Variants in CD2AP observed in about 807,000 individuals in gnomAD.
CD2AP encodes the protein CD2-associated protein.
Under a neutral mutation model 85.1 loss-of-function variants are expected in CD2AP, and 46 were observed. The ratio of observed to expected loss-of-function variants is 0.54; its 90% CI spans 0.43 to 0.69. CD2AP has a LOEUF of 0.69. CD2AP is among the 30% of genes least tolerant of loss of function. CD2AP has a pLI of 0.00. For synonymous variants in CD2AP, 255 were observed against 252.9 expected (o/e 1.01, Z -0.08); for missense variants, 769 against 729.5 (o/e 1.05, Z -0.62).
At chr6:47,589,560 A>ACG (rs1174224461) in intron 11 of CD2AP, among the ~76,000 whole-genome samples, 2 of 124,108 alleles carry the variant, frequency 1.6e-5, no homozygotes, top group East Asian at 4.1e-4. Flanking sequence ...ATACACACAC[A>ACG]CACACATATA....
chr6:47,523,915 G>A (rs1219355259), intron 2 of CD2AP, among the ~76,000 whole-genome samples: 1 of 152,074 alleles, frequency 6.6e-6, no homozygotes, highest in Non-Finnish European at 1.5e-5. Context: ...TATCCATTGT[G>A]AAAAGTACCT....
At chr6:47,553,631 G>A (rs1020666500) in intron 4 of CD2AP, among the ~76,000 whole-genome samples, 21 of 150,790 alleles carry the variant, frequency 1.4e-4, no homozygotes, top group Non-Finnish European at 1.5e-4. Flanking sequence ...CTTCCAAAGC[G>A]CTGGGATTAT....
intron 15 of CD2AP, among the ~76,000 whole-genome samples, 183 bp from the exon 16 acceptor site, chr6:47,608,940 G>T (rs753656651): frequency 3.3e-5 from 5 of 152,020 alleles, no homozygotes; most frequent in Non-Finnish European, 7.4e-5. Context: ...AACCACTAAT[G>T]ATTACAAATG....
chr6:47,521,474 C>T (rs951282173), intron 2 of CD2AP, among the ~76,000 whole-genome samples: 6 of 151,948 alleles, frequency 3.9e-5, no homozygotes, highest in African/African-American at 1.4e-4. Context: ...AGTGCTTGAA[C>T]CCGGGAGGTG....
intron 5 of CD2AP, among the ~76,000 whole-genome samples, chr6:47,568,438 G>C (rs551066856): frequency 1.3e-5 from 2 of 152,142 alleles, no homozygotes; most frequent in South Asian, 4.2e-4. Context: ...AGTACTTTAG[G>C]TGGTATAAGA....
chr6:47,573,290 G>A (rs188179118), intron 5 of CD2AP, among the ~76,000 whole-genome samples: 2 of 152,084 alleles, frequency 1.3e-5, no homozygotes, highest in Admixed American at 1.3e-4. Flanking sequence ...TAATCTCTGA[G>A]CTAAAATAAC....
intron 1 of CD2AP, among the ~76,000 whole-genome samples, chr6:47,493,782 T>C (rs1765789895): frequency 6.6e-6 from 1 of 152,154 alleles, no homozygotes; most frequent in Non-Finnish European, 1.5e-5. Flanking sequence ...CATTTCAGTT[T>C]GGAAAATTTC....
At chr6:47,500,021 C>A (rs997989267) in intron 1 of CD2AP, among the ~76,000 whole-genome samples, 6 of 152,164 alleles carry the variant, frequency 3.9e-5, no homozygotes, top group Admixed American at 3.9e-4. Flanking sequence ...GAGCCACTGC[C>A]CCTGCAGGAG....
intron 3 of CD2AP, among the ~76,000 whole-genome samples, chr6:47,539,256 A>G (rs931080752): frequency 6.6e-6 from 1 of 152,238 alleles, no homozygotes; most frequent in African/African-American, 2.4e-5. Flanking sequence ...CTGTAAACTC[A>G]GAACTGTATG....
chr6:47,506,446 C>T (rs2113986023), intron 2 of CD2AP, among the ~76,000 whole-genome samples: 1 of 32,688 alleles, frequency 3.1e-5, no homozygotes, highest in East Asian at 4.1e-4. Context: ...GAGGCCAAGG[C>T]AGGCGGCTGG....
chr6:47,493,058 T>C (rs768636117), intron 1 of CD2AP, among the ~76,000 whole-genome samples: 1 of 152,226 alleles, frequency 6.6e-6, no homozygotes, highest in Non-Finnish European at 1.5e-5. Context: ...CATCTATTCA[T>C]ATGCTATAAT....
intron 2 of CD2AP, among the ~76,000 whole-genome samples, chr6:47,531,253 C>T (rs1350385607): frequency 6.6e-6 from 1 of 152,096 alleles, no homozygotes. Context: ...GATGCTCCTA[C>T]ACCAAAAGAA....
At chr6:47,569,009 G>T (rs1464534853) in intron 5 of CD2AP, among the ~76,000 whole-genome samples, 1 of 152,122 alleles carries the variant, frequency 6.6e-6, no homozygotes, top group East Asian at 1.9e-4. Flanking sequence ...TACTTGGGAG[G>T]TTAAGTAAAA....
intron 13 of CD2AP, among the ~76,000 whole-genome samples, chr6:47,601,441 T>C (rs556953576): frequency 6.6e-6 from 1 of 152,152 alleles, no homozygotes; most frequent in South Asian, 2.1e-4. Context: ...ACTTAGGCCC[T>C]GTAAAGTTCA....
chr6:47,592,400 CAA>C (rs1395292274), intron 11 of CD2AP, among the ~76,000 whole-genome samples: 1 of 152,016 alleles, frequency 6.6e-6, no homozygotes, highest in African/African-American at 2.4e-5. Flanking sequence ...TAGATGAAAA[CAA>C]GAGTAAATCT....
chr6:47,513,606 C>T (rs1346233283), intron 2 of CD2AP, among the ~76,000 whole-genome samples: 1 of 152,002 alleles, frequency 6.6e-6, no homozygotes, highest in Non-Finnish European at 1.5e-5. Context: ...GGAGAGACAC[C>T]TTTACTACTA....
intron 17 of CD2AP, among the ~76,000 whole-genome samples, chr6:47,622,756 G>A (rs111705912): frequency 1.9e-3 from 290 of 152,294 alleles, no homozygotes; most frequent in African/African-American, 6.8e-3. Context: ...TCTCGGGATT[G>A]CTGGTTTGTT....
chr6:47,513,740 T>C (rs1766377716), intron 2 of CD2AP, among the ~76,000 whole-genome samples: 1 of 152,112 alleles, frequency 6.6e-6, no homozygotes, highest in Non-Finnish European at 1.5e-5. Context: ...TCAGTAAACA[T>C]CTTTTTTGGG....
At chr6:47,582,215 T>C (rs1364477482) in intron 11 of CD2AP, 150 bp downstream of exon 11, 1 of 628,646 alleles carries the variant, frequency 1.6e-6, no homozygotes, top group Non-Finnish European at 2.9e-6. Flanking sequence ...TGGGAGGGAG[T>C]AGTTCATTTC....
Sources: allele counts gnomAD v4.1 joint callset (sites outside exome capture counted in the v4.1 genomes callset), GRCh38; gene constraint gnomAD v4.1.1; transcripts MANE v1.5; gene names NCBI Gene and HGNC (gene_info 2026-07-23, HGNC 2026-07-21).